Variants in KIRREL3 observed in about 807,000 individuals in gnomAD.
The protein encoded by KIRREL3 is kirre like nephrin family adhesion molecule 3, also known as kin of IRRE-like protein 3.
Under a neutral mutation model 89.7 loss-of-function variants are expected in KIRREL3, and 36 were observed. The observed-to-expected ratio is 0.40, with a 90% CI of 0.31 to 0.53. The LOEUF (loss-of-function observed/expected upper bound fraction) is 0.53, where lower values mean the gene tolerates loss of function less well. Among genes scored for constraint, KIRREL3 ranks in the 20% least tolerant of loss-of-function variants. KIRREL3 has a pLI of 0.49. For synonymous variants in KIRREL3, 445 were observed against 441.4 expected (o/e 1.01, Z -0.10); for missense variants, 864 against 1,056.6 (o/e 0.82, Z 2.53).
rs1435581216 is a variant in KIRREL3 at position 126,521,680 on chromosome 11, G to C, written c.284-216C>G. 2.9e-3 allele frequency among the ~76,000 whole-genome samples: 2 copies of C among 696 alleles called. No individual in the cohort carries two copies. The highest frequency in any genetic ancestry group is 0.012 in the African/African-American group (2 of 168). The allele number at this position is 696 out of a possible 152,430, so 0.5% of individuals were successfully genotyped here. A position where few individuals can be genotyped will look rare whatever the true frequency, so the allele number is the denominator to read the frequency against. ...GTTCTCTCTCTCTCTCTCTGTATGT[G>C]TGTGTGTGTGTGTGTGTGTGTGTGT... On this transcript the variant is annotated intron_variant, in intron 3 of 16. Transcript: ENST00000525144. This position sits in a 1 kb window ranked among gnomAD's most constrained non-coding sequence, Gnocchi z 4.1.
At chr11:126,438,752 C>T (rs955727499) in intron 11 of KIRREL3, among the ~76,000 whole-genome samples, 2 of 152,240 alleles carry the variant, frequency 1.3e-5, no homozygotes, top group African/African-American at 2.4e-5. Context: ...GTGAATCTTT[C>T]AGACAGTGAA....
rs1300777178 is a variant in KIRREL3 at position 126,970,718 on chromosome 11, C to G, written c.55+29737G>C. ...TAAACATACAGCATTTCAACCACATCCCTAGTTAAGTAAAATTTTGTGAAT... is the reference window on the plus strand; with the variant it reads ...TAAACATACAGCATTTCAACCACATGCCTAGTTAAGTAAAATTTTGTGAAT... On this transcript the variant is annotated intron_variant, in intron 1 of 16. Coordinates refer to ENST00000525144, the MANE Select transcript of KIRREL3 (RefSeq NM_032531.4). This position sits in a 1 kb window ranked among gnomAD's most constrained non-coding sequence, Gnocchi z 4.4. Among the ~76,000 whole-genome samples the G allele has an allele frequency of 6.6e-6, 1 of 152,130 alleles. No individual in the cohort carries two copies. Among genetic ancestry groups the G allele is most frequent in the African/African-American group, 2.4e-5 (1 of 41,420 alleles).
rs1957021890 is a variant in KIRREL3 at position 126,474,890 on chromosome 11, T to C, written c.434-1424A>G. On this transcript the variant is annotated intron_variant, in intron 4 of 16. Coordinates refer to ENST00000525144, the MANE Select transcript of KIRREL3 (RefSeq NM_032531.4). The surrounding 1 kb of genome is among the most constrained non-coding windows in gnomAD (Gnocchi z 6.7). The stretch of plus-strand genomic sequence containing the variant: ...TAGGACACAGGGCCTTTCCCATGCT[T>C]GTGCTTGGGGACACGTTGAGAGTCT... Among the ~76,000 whole-genome samples the C allele has an allele frequency of 6.6e-6, 1 of 152,168 alleles. No individual in the cohort carries two copies. Among genetic ancestry groups the C allele is most frequent in the South Asian group, 2.1e-4 (1 of 4,834 alleles).
rs193218318 is a variant in KIRREL3 at position 126,575,895 on chromosome 11, C to A, written c.56-12983G>T. Among the ~76,000 whole-genome samples, 544 of 152,340 alleles carry A rather than the reference C, an allele frequency of 3.6e-3. 6 individuals are homozygous for A. The highest frequency in any genetic ancestry group is 0.012 in the African/African-American group (518 of 41,586). On this transcript the variant is annotated intron_variant, in intron 1 of 16. Transcript: ENST00000525144. The surrounding 1 kb of genome is among the most constrained non-coding windows in gnomAD (Gnocchi z 7.0). Reference sequence around the variant, plus strand: ...GGCATCCCCTCCTCTGGACACCACCCCCCGCCAACTGCCTTATTCATACCT... The same window carrying A: ...GGCATCCCCTCCTCTGGACACCACCACCCGCCAACTGCCTTATTCATACCT...
At chr11:126,915,561 A>G (rs1947005044) in intron 1 of KIRREL3, among the ~76,000 whole-genome samples, 1 of 152,150 alleles carries the variant, frequency 6.6e-6, no homozygotes, top group Admixed American at 6.5e-5. Context: ...GCCTCTCTGT[A>G]GAATCCAGTT....
intron 6 of KIRREL3, among the ~76,000 whole-genome samples, chr11:126,461,435 G>C (rs57542050): frequency 0.1 from 15,162 of 152,208 alleles, 2,561 homozygotes; most frequent in African/African-American, 0.34. Flanking sequence ...CTAGCTCTAG[G>C]CTTGGCCAGA....
At chr11:126,842,841 G>A (rs1328851564) in intron 1 of KIRREL3, among the ~76,000 whole-genome samples, 1 of 152,158 alleles carries the variant, frequency 6.6e-6, no homozygotes, top group Non-Finnish European at 1.5e-5. Flanking sequence ...ACAGAACACT[G>A]GGCCGACCAT....
rs1485751441 is a variant in KIRREL3, at chr11:126,923,221, T to C, written c.55+77234A>G. 2.6e-3 allele frequency among the ~76,000 whole-genome samples: 71 copies of C among 27,748 alleles called. 15 individuals are homozygous for C. The highest frequency in any genetic ancestry group is 4.4e-3 in the Non-Finnish European group (59 of 13,536). The allele number at this position is 27,748 out of a possible 152,430, so 18.2% of individuals were successfully genotyped here. ...TTCTTCTTCTTCTTCTTCTTCTTCT[T>C]CTTCTTCTTCTTCTTCTTCTTCTTC... On this transcript the variant is annotated intron_variant, in intron 1 of 16. Coordinates refer to ENST00000525144, the MANE Select transcript of KIRREL3 (RefSeq NM_032531.4).
chr11:126,534,704 TGAG>T (rs903924171), intron 2 of KIRREL3, among the ~76,000 whole-genome samples: 6 of 152,192 alleles, frequency 3.9e-5, no homozygotes, highest in African/African-American at 7.2e-5. Flanking sequence ...CTTTTCCCTT[TGAG>T]GAGAGTGGCA....
At chr11:126,547,072 A>G (rs73634635) in intron 2 of KIRREL3, among the ~76,000 whole-genome samples, 20,758 of 152,268 alleles carry the variant, frequency 0.14, 1,498 homozygotes, top group Admixed American at 0.17. Flanking sequence ...ACAAGTTTAT[A>G]AAGAGTGTTC....
intron 1 of KIRREL3, among the ~76,000 whole-genome samples, chr11:126,899,007 T>TC (rs1482506758): frequency 2.3e-5 from 2 of 88,042 alleles, no homozygotes; most frequent in East Asian, 7.9e-4. Flanking sequence ...CGCAGGGGAG[T>TC]TTGGGGGGGG....
At chr11:126,858,646 A>ATG (rs758384921) in intron 1 of KIRREL3, among the ~76,000 whole-genome samples, 33 of 151,178 alleles carry the variant, frequency 2.2e-4, no homozygotes, top group African/African-American at 4.6e-4. Flanking sequence ...AGTGTCTGTG[A>ATG]TGTGTGTGTG....
At chr11:126,581,492 G>T (rs978818156) in intron 1 of KIRREL3, among the ~76,000 whole-genome samples, 3 of 152,128 alleles carry the variant, frequency 2.0e-5, no homozygotes, top group Non-Finnish European at 4.4e-5. Flanking sequence ...GTGAGACACC[G>T]CGCCTGGCCT....
chr11:126,587,778 T>G lies in KIRREL3; in HGVS notation c.56-24866A>C, dbSNP rs192572646. ...AGGTTGTGTAATACATTCCAGCAAA[T>G]TTAGATTAGGAATGATTATGACTTA... On this transcript the variant is annotated intron_variant, in intron 1 of 16. Coordinates refer to ENST00000525144, the MANE Select transcript of KIRREL3 (RefSeq NM_032531.4). This position sits in a 1 kb window ranked among gnomAD's most constrained non-coding sequence, Gnocchi z 5.2. Among the ~76,000 whole-genome samples, 200 of 152,322 alleles carry G rather than the reference T, an allele frequency of 1.3e-3. 1 individual carries two copies. The highest frequency in any genetic ancestry group is 4.2e-3 in the African/African-American group (175 of 41,568).
rs1945657275 is a variant in KIRREL3 at position 126,666,223 on chromosome 11, C to T, written c.56-103311G>A. 6.6e-6 allele frequency among the ~76,000 whole-genome samples: 1 copy of T among 152,164 alleles called. No individual in the cohort carries two copies. Among genetic ancestry groups the T allele is most frequent in the Admixed American group, 6.5e-5 (1 of 15,272 alleles). On this transcript the variant is annotated intron_variant, in intron 1 of 16. Transcript: ENST00000525144. This position sits in a 1 kb window ranked among gnomAD's most constrained non-coding sequence, Gnocchi z 4.2. ...TTCTTGGAATGCAATTGTCATGTGGCAAGTTATTTCAGGTTTTCTTGTTAT... is the reference window on the plus strand; with the variant it reads ...TTCTTGGAATGCAATTGTCATGTGGTAAGTTATTTCAGGTTTTCTTGTTAT...
rs1945809994 is a variant in KIRREL3, at chr11:126,668,896, G to A, written c.56-105984C>T. On this transcript the variant is annotated intron_variant, in intron 1 of 16. Transcript: ENST00000525144. This position sits in a 1 kb window ranked among gnomAD's most constrained non-coding sequence, Gnocchi z 4.4. The stretch of plus-strand genomic sequence containing the variant: ...TTCCTATAGGCGTTTGGTCATTGCA[G>A]GGTTAAGAAAATTTGAGCCGTTCCT... Among the ~76,000 whole-genome samples, 1 of 152,036 alleles carries A rather than the reference G, an allele frequency of 6.6e-6. No homozygotes were observed. The highest frequency in any genetic ancestry group is 2.4e-5 in the African/African-American group (1 of 41,384).
chr11:126,920,047 T>C (rs1272822123), intron 1 of KIRREL3: 1 of 152,222 alleles, frequency 6.6e-6, no homozygotes, highest in Non-Finnish European at 1.5e-5. Context: ...TTTAACTATA[T>C]CATGTAATCT....
At position 126,490,604 on chromosome 11, in the gene KIRREL3, A is replaced by G. The variant is rs1191002550; in HGVS notation, c.434-17138T>C. On this transcript the variant is annotated intron_variant, in intron 4 of 16. Coordinates refer to ENST00000525144, the MANE Select transcript of KIRREL3 (RefSeq NM_032531.4). The surrounding 1 kb of genome is among the most constrained non-coding windows in gnomAD (Gnocchi z 4.2). Reference sequence around the variant, plus strand: ...CAGGCTGCATGGCCTTGGATACGTTAATTAGTTATTTGAGCCTGTGTCTTC... The same window carrying G: ...CAGGCTGCATGGCCTTGGATACGTTGATTAGTTATTTGAGCCTGTGTCTTC... Among the ~76,000 whole-genome samples, 1 of 152,128 alleles carries G rather than the reference A, an allele frequency of 6.6e-6. No homozygotes were observed. Among genetic ancestry groups the G allele is most frequent in the Non-Finnish European group, 1.5e-5 (1 of 68,028 alleles).
rs963230735 is a variant in KIRREL3, at chr11:126,814,075, C to T, written c.55+186380G>A. Among the ~76,000 whole-genome samples the T allele has an allele frequency of 1.3e-5, 2 of 151,776 alleles. No individual in the cohort carries two copies. The highest frequency in any genetic ancestry group is 2.4e-5 in the African/African-American group (1 of 41,296). ...CTTAAATTTACAAGAAAAAAAAACC[C>T]GGTTAAAAAGTTGGCAAAGGACATG... On this transcript the variant is annotated intron_variant, in intron 1 of 16. Coordinates refer to ENST00000525144, the MANE Select transcript of KIRREL3 (RefSeq NM_032531.4). The surrounding 1 kb of genome is among the most constrained non-coding windows in gnomAD (Gnocchi z 4.4).
Sources: gnomAD v4.1 joint callset for allele counts (sites outside exome capture counted in the v4.1 genomes callset) on GRCh38, gnomAD v4.1.1 for gene constraint, Gnocchi (gnomAD v3.1) non-coding constraint, MANE v1.5 for transcripts, NCBI Gene and HGNC (gene_info 2026-07-23, HGNC 2026-07-21) for gene names.